The following ANKH variants were observed in gnomAD, a reference collection of about 807,000 sequenced individuals.
The protein encoded by ANKH is mineralization regulator ANKH.
Under a neutral mutation model 49.0 loss-of-function variants are expected in ANKH, and 15 were observed. The ratio of observed to expected loss-of-function variants is 0.31; its 90% CI spans 0.20 to 0.47. The LOEUF (loss-of-function observed/expected upper bound fraction) is 0.47, where lower values mean the gene tolerates loss of function less well. ANKH is among the 20% of genes least tolerant of loss of function. ANKH has a pLI of 1.00. For synonymous variants in ANKH, 273 were observed against 260.0 expected (o/e 1.05, Z -0.48); for missense variants, 429 against 652.0 (o/e 0.66, Z 3.72).
intron 3 of ANKH, among the ~76,000 whole-genome samples, chr5:14,757,226 G>C (rs1580043734): frequency 6.6e-6 from 1 of 152,034 alleles, no homozygotes; most frequent in East Asian, 1.9e-4. Flanking sequence ...TACCACCATG[G>C]GCTAGCTCAG....
chr5:14,761,437 T>G (rs1406344350), intron 2 of ANKH, among the ~76,000 whole-genome samples: 9 of 152,160 alleles, frequency 5.9e-5, no homozygotes, highest in Admixed American at 5.9e-4. Context: ...GCAGTCTGCA[T>G]GTAGCGCCCA....
At chr5:14,736,006 C>CTTTTTTT (rs540010631) in intron 8 of ANKH, among the ~76,000 whole-genome samples, 4 of 83,660 alleles carry the variant, frequency 4.8e-5, no homozygotes, top group African/African-American at 2.3e-4. Flanking sequence ...AAAAACCTAA[C>CTTTTTTT]TTTTTTTTTT....
intron 9 of ANKH, among the ~76,000 whole-genome samples, chr5:14,714,119 G>A (rs1393015911): frequency 6.6e-6 from 1 of 152,260 alleles, no homozygotes; most frequent in Non-Finnish European, 1.5e-5. Flanking sequence ...TGGGGACCAA[G>A]CAGTGGGGTA....
chr5:14,761,801 TCTCGC>T (rs1304685578), intron 2 of ANKH, among the ~76,000 whole-genome samples: 10 of 151,168 alleles, frequency 6.6e-5, no homozygotes, highest in African/African-American at 2.0e-4. Context: ...TCTCGCTCTG[TCTCGC>T]CCAGGGTGGA....
intron 1 of ANKH, among the ~76,000 whole-genome samples, chr5:14,846,850 A>AC (rs1292228170): frequency 4.1e-5 from 6 of 145,172 alleles, no homozygotes; most frequent in African/African-American, 1.6e-4. Flanking sequence ...ACACGCACAC[A>AC]AAAAAAAACT....
At chr5:14,726,567 G>A (rs1387103814) in intron 8 of ANKH, among the ~76,000 whole-genome samples, 2 of 152,118 alleles carry the variant, frequency 1.3e-5, no homozygotes, top group African/African-American at 4.8e-5. Flanking sequence ...GTGACGGGAG[G>A]GAGGCTGGAG....
At chr5:14,828,547 A>T (rs1741414079) in intron 1 of ANKH, among the ~76,000 whole-genome samples, 1 of 151,942 alleles carries the variant, frequency 6.6e-6, no homozygotes, top group Non-Finnish European at 1.5e-5. Context: ...AAACAAACAA[A>T]CAACAACAAA....
At chr5:14,860,436 A>G (rs953156601) in intron 1 of ANKH, among the ~76,000 whole-genome samples, 4 of 152,338 alleles carry the variant, frequency 2.6e-5, no homozygotes, top group Non-Finnish European at 4.4e-5. Flanking sequence ...AGTTTAGGCC[A>G]CACATGGTGG....
intron 4 of ANKH, among the ~76,000 whole-genome samples, chr5:14,751,580 G>C (rs1738720396): frequency 6.6e-6 from 1 of 152,038 alleles, no homozygotes; most frequent in African/African-American, 2.4e-5. Flanking sequence ...TGATTTACTG[G>C]AACATATAAC....
At position 14,708,779 on chromosome 5, in the gene ANKH, C is replaced by G. The variant is rs1013800730; in HGVS notation, c.*2418G>C. 1.3e-5 allele frequency: 2 copies of G among 152,198 alleles called. No homozygotes were observed. The highest frequency in any genetic ancestry group is 2.9e-5 in the Non-Finnish European group (2 of 68,048). The allele number at this position is 152,198 out of a possible 1,614,324, so 9.4% of individuals were successfully genotyped here. A position where few individuals can be genotyped will look rare whatever the true frequency, so the allele number is the denominator to read the frequency against. On this transcript the variant is annotated 3_prime_UTR_variant, in exon 12 of 12. Coordinates refer to ENST00000284268, the MANE Select transcript of ANKH (RefSeq NM_054027.6). ...ATTGCTTCCTGTGTTCTCAGAAACT[C>G]TAACCAAATATTATGGCCCACTGAT...
chr5:14,790,667 G>A (rs1317495859), intron 1 of ANKH, among the ~76,000 whole-genome samples: 1 of 152,236 alleles, frequency 6.6e-6, no homozygotes, highest in African/African-American at 2.4e-5. Context: ...GGGAGCAGTG[G>A]TGCGATCTCG....
At chr5:14,729,451 GT>G (rs1409559543) in intron 8 of ANKH, among the ~76,000 whole-genome samples, 5 of 150,780 alleles carry the variant, frequency 3.3e-5, no homozygotes, top group African/African-American at 1.2e-4. Context: ...GCCTCCCAAA[GT>G]GCTGGGATTA....
chr5:14,785,114 G>T (rs1739932727), intron 1 of ANKH, among the ~76,000 whole-genome samples: 1 of 152,190 alleles, frequency 6.6e-6, no homozygotes. Flanking sequence ...AATATCCACT[G>T]CCCAAACACA....
chr5:14,781,268 A>G (rs1739797201), intron 1 of ANKH, among the ~76,000 whole-genome samples: 2 of 152,192 alleles, frequency 1.3e-5, no homozygotes, highest in Middle Eastern at 3.2e-3. Flanking sequence ...ACGCCCACAC[A>G]TGAGGTTGTG....
chr5:14,706,815 GAC>G lies in ANKH; in HGVS notation c.*4380_*4381del, dbSNP rs1736959724. 6.6e-6 allele frequency: 1 copy of G among 152,180 alleles called. No individual in the cohort carries two copies. The highest frequency in any genetic ancestry group is 2.4e-5 in the African/African-American group (1 of 41,424). 9.4% of individuals were successfully genotyped at this position (152,180 alleles called of 1,614,324 possible). A position where few individuals can be genotyped will look rare whatever the true frequency, so the allele number is the denominator to read the frequency against. ...AATAACCACACAGAGGAGTATCCCA[GAC>G]ACGTTGCTCAAAAACATGCTTTCCT... On this transcript the variant is annotated 3_prime_UTR_variant, in exon 12 of 12. Transcript: ENST00000284268.
Position 14,713,396 on chromosome 5 carries a change from G to A in ANKH, c.1265+148C>T. 8.3e-7 allele frequency: 1 copy of A among 1,204,232 alleles called. No homozygotes were observed. The highest frequency in any genetic ancestry group is 1.2e-6 in the Non-Finnish European group (1 of 838,500). 74.6% of individuals were successfully genotyped at this position (1,204,232 alleles called of 1,614,324 possible). Reference sequence around the variant, plus strand: ...AATGGATCCCAAGAGCCTCCACCTGGTGCCTGGGCAGACACACAAAACATC... The same window carrying A: ...AATGGATCCCAAGAGCCTCCACCTGATGCCTGGGCAGACACACAAAACATC... On this transcript the variant is annotated intron_variant, in intron 10 of 11. Transcript: ENST00000284268. This position sits in a 1 kb window ranked among gnomAD's most constrained non-coding sequence, Gnocchi z 4.4.
Position 14,709,847 on chromosome 5 carries a change from A to AAAAT in ANKH, c.*1346_*1349dup, listed in dbSNP as rs759984300. On this transcript the variant is annotated 3_prime_UTR_variant, in exon 12 of 12. Coordinates refer to ENST00000284268, the MANE Select transcript of ANKH (RefSeq NM_054027.6). ...TTAGAGACATTTTATTGAAAATGCG[A>AAAAT]AAATAGGAAATGTATTATAGCCTAA... 1 of 152,658 alleles carries AAAAT rather than the reference A, an allele frequency of 6.6e-6. No homozygotes were observed. The highest frequency in any genetic ancestry group is 2.4e-5 in the African/African-American group (1 of 41,454). 9.5% of individuals were successfully genotyped at this position (152,658 alleles called of 1,614,324 possible).
intron 1 of ANKH, among the ~76,000 whole-genome samples, chr5:14,806,535 T>C (rs574412571): frequency 6.6e-6 from 1 of 152,230 alleles, no homozygotes; most frequent in South Asian, 2.1e-4. Context: ...TTCTAGGTGG[T>C]CAGGGGAGTG....
intron 8 of ANKH, among the ~76,000 whole-genome samples, chr5:14,728,403 G>C (rs1276122411): frequency 6.6e-6 from 1 of 152,188 alleles, no homozygotes; most frequent in Non-Finnish European, 1.5e-5. Flanking sequence ...TACTGTGAGG[G>C]GCACCAAATG....
Sources: allele counts gnomAD v4.1 joint callset (sites outside exome capture counted in the v4.1 genomes callset), GRCh38; gene constraint gnomAD v4.1.1; non-coding constraint Gnocchi (gnomAD v3.1); transcripts MANE v1.5; gene names NCBI Gene and HGNC (gene_info 2026-07-23, HGNC 2026-07-21).